MYT1L: variants seen among roughly 807,000 people sequenced by gnomAD.
MYT1L encodes the protein myelin transcription factor 1-like protein.
A neutral mutation model predicts 126.7 loss-of-function variants in MYT1L; 12 were observed. The observed-to-expected ratio is 0.09, with a 90% CI of 0.06 to 0.15. MYT1L has a LOEUF of 0.15. MYT1L is among the 10% of genes least tolerant of loss of function. The probability of loss-of-function intolerance (pLI) is 1.00; values close to 1 mark genes in which losing one functional copy is unlikely to be tolerated. For missense variants in MYT1L, 979 were observed against 1,585.2 expected, an observed-to-expected ratio of 0.62 and a Z score of 6.49; for synonymous variants, 541 against 604.2, an observed-to-expected ratio of 0.90 and a Z score of 1.53.
intron 2 of MYT1L, among the ~76,000 whole-genome samples, chr2:2,185,903 T>C (rs1333461299): frequency 1.7e-4 from 19 of 113,860 alleles, no homozygotes; most frequent in African/African-American, 7.4e-4. Flanking sequence ...AGCCGGGCCT[T>C]CCGGGCCTTC....
At chr2:2,330,003 A>G (rs1004867385) in intron 1 of MYT1L, among the ~76,000 whole-genome samples, 1 of 151,650 alleles carries the variant, frequency 6.6e-6, no homozygotes, top group African/African-American at 2.4e-5. Flanking sequence ...ATTTTATAAA[A>G]CTCTTTTCTT....
intron 1 of MYT1L, among the ~76,000 whole-genome samples, chr2:2,286,661 T>C (rs2095525123): frequency 6.6e-6 from 1 of 152,120 alleles, no homozygotes; most frequent in Non-Finnish European, 1.5e-5. Flanking sequence ...GTCTAATGGG[T>C]TTAAGTGGCC....
intron 8 of MYT1L, among the ~76,000 whole-genome samples, chr2:1,956,630 ACC>A (rs2058495586): frequency 6.6e-6 from 1 of 151,086 alleles, no homozygotes; most frequent in Non-Finnish European, 1.5e-5. Flanking sequence ...CTACCTACCT[ACC>A]TATCTAGCTA....
At chr2:2,232,675 G>C (rs1400221570) in intron 2 of MYT1L, among the ~76,000 whole-genome samples, 2 of 152,206 alleles carry the variant, frequency 1.3e-5, no homozygotes, top group East Asian at 3.8e-4. Flanking sequence ...ACTCTTCCTG[G>C]GAGCTACGAT....
intron 2 of MYT1L, among the ~76,000 whole-genome samples, chr2:2,256,676 C>T (rs1286075635): frequency 2.0e-5 from 3 of 152,182 alleles, no homozygotes; most frequent in Non-Finnish European, 2.9e-5. Context: ...ATTTGGGAAT[C>T]GTGTGACAGT....
At chr2:2,257,014 C>T (rs2094830437) in intron 2 of MYT1L, among the ~76,000 whole-genome samples, 1 of 152,070 alleles carries the variant, frequency 6.6e-6, no homozygotes, top group Middle Eastern at 3.2e-3. Context: ...TTCAATGTTC[C>T]CCTTGCTTCA....
chr2:1,849,069 A>G (rs1226381909), intron 19 of MYT1L, among the ~76,000 whole-genome samples: 1 of 152,074 alleles, frequency 6.6e-6, no homozygotes, highest in Non-Finnish European at 1.5e-5. Flanking sequence ...GTGCTATATT[A>G]AGACTTAACA....
At position 2,317,099 on chromosome 2, in the gene MYT1L, G is replaced by A. The variant is rs553151885; in HGVS notation, c.-521+13868C>T. Among the ~76,000 whole-genome samples, 19 of 152,040 alleles carry A rather than the reference G, an allele frequency of 1.2e-4. No individual in the cohort carries two copies. In the East Asian group the frequency reaches 2.9e-3, roughly 23 times the overall value. On this transcript the variant is annotated intron_variant, in intron 1 of 24. Coordinates refer to ENST00000647738, the MANE Select transcript of MYT1L (RefSeq NM_001303052.2). The stretch of plus-strand genomic sequence containing the variant: ...CCCAAAGTGCTGAGGTTATAGGTGC[G>A]AGCCACCATGCCCGGCCAGTCCAGT...
rs76275232 is a variant in MYT1L, at chr2:2,208,211, A to G, written c.-420-35223T>C. On this transcript the variant is annotated intron_variant, in intron 2 of 24. Coordinates refer to ENST00000647738, the MANE Select transcript of MYT1L (RefSeq NM_001303052.2). Reference sequence around the variant, plus strand: ...GGTTACAGAGCATGAGCCCTGCTGCAAAAGGACACTGGGTTTGATTGAATT... The same window carrying G: ...GGTTACAGAGCATGAGCCCTGCTGCGAAAGGACACTGGGTTTGATTGAATT... Among the ~76,000 whole-genome samples, 82 of 152,332 alleles carry G rather than the reference A, an allele frequency of 5.4e-4. 3 individuals are homozygous for G. The East Asian group carries it at 0.014, about 26-fold the overall frequency.
chr2:1,994,828 A>G (rs1175821610), intron 5 of MYT1L, among the ~76,000 whole-genome samples: 2 of 152,226 alleles, frequency 1.3e-5, no homozygotes, highest in Non-Finnish European at 2.9e-5. Context: ...CCATTTATAC[A>G]GGTATTTGAA....
chr2:2,004,552 T>A (rs1574426586), intron 4 of MYT1L, among the ~76,000 whole-genome samples: 1 of 150,682 alleles, frequency 6.6e-6, no homozygotes, highest in Non-Finnish European at 1.5e-5. Context: ...CATGCGTTCT[T>A]TCCTGCGTGC....
chr2:2,105,328 G>T (rs1204688214), intron 3 of MYT1L, among the ~76,000 whole-genome samples: 2 of 152,162 alleles, frequency 1.3e-5, no homozygotes, highest in African/African-American at 4.8e-5. Context: ...AGGAGGATTT[G>T]CTTTCCACAC....
intron 4 of MYT1L, among the ~76,000 whole-genome samples, chr2:2,001,058 T>C (rs949771489): frequency 2.6e-5 from 4 of 152,200 alleles, no homozygotes; most frequent in African/African-American, 9.6e-5. Flanking sequence ...TCAACCTTTT[T>C]TCATTCTTAA....
chr2:1,795,075 G>A lies in MYT1L; in HGVS notation c.3277-2611C>T, dbSNP rs542477957. Among the ~76,000 whole-genome samples, 27 of 152,278 alleles carry A rather than the reference G, an allele frequency of 1.8e-4. No homozygotes were observed. The South Asian group carries it at 4.4e-3, about 25-fold the overall frequency. ...CTCCAGCCCACACACGAAGGGCCCCGGGCTTCTTGCACGTGGACACACGTT... is the reference window on the plus strand; with the variant it reads ...CTCCAGCCCACACACGAAGGGCCCCAGGCTTCTTGCACGTGGACACACGTT... On this transcript the variant is annotated intron_variant, in intron 23 of 24. Transcript: ENST00000647738.
At chr2:1,947,005 G>A (rs974688627) in intron 8 of MYT1L, among the ~76,000 whole-genome samples, 11 of 152,168 alleles carry the variant, frequency 7.2e-5, no homozygotes, top group Non-Finnish European at 8.8e-5. Flanking sequence ...CATAATGACC[G>A]GAGCTTTTCC....
Position 1,802,198 on chromosome 2 carries a change from T to C in MYT1L, c.3173-399A>G, listed in dbSNP as rs146992382. Among the ~76,000 whole-genome samples, 36 of 152,342 alleles carry C rather than the reference T, an allele frequency of 2.4e-4. No individual in the cohort carries two copies. The East Asian group carries it at 6.6e-3, about 28-fold the overall frequency. On this transcript the variant is annotated intron_variant, in intron 22 of 24. Coordinates refer to ENST00000647738, the MANE Select transcript of MYT1L (RefSeq NM_001303052.2). ...GACTCGCTGTCTGCATCAGTCATTC[T>C]GCAAACACCCCAGGCTTGGAGCCAG...
intron 4 of MYT1L, among the ~76,000 whole-genome samples, chr2:2,049,356 C>G (rs2068554752): frequency 6.6e-6 from 1 of 152,026 alleles, no homozygotes; most frequent in South Asian, 2.1e-4. Context: ...CAGAGAGACA[C>G]AAGAATAATA....
At chr2:2,099,221 T>C (rs1484551539) in intron 3 of MYT1L, among the ~76,000 whole-genome samples, 4 of 152,180 alleles carry the variant, frequency 2.6e-5, no homozygotes, top group Non-Finnish European at 4.4e-5. Flanking sequence ...GGCTGACACA[T>C]GTACTGATTT....
chr2:1,855,503 AGC>A (rs2148567636), intron 18 of MYT1L, among the ~76,000 whole-genome samples: 1 of 152,348 alleles, frequency 6.6e-6, no homozygotes, highest in Non-Finnish European at 1.5e-5. Flanking sequence ...TCAGCGCTGC[AGC>A]ACTCAGGCTG....
Sources: allele counts gnomAD v4.1 joint callset (sites outside exome capture counted in the v4.1 genomes callset), GRCh38; gene constraint gnomAD v4.1.1; transcripts MANE v1.5; gene names NCBI Gene and HGNC (gene_info 2026-07-23, HGNC 2026-07-21).